Variants in SRGAP3 observed in about 807,000 individuals in gnomAD.
SRGAP3 encodes the protein SLIT-ROBO Rho GTPase-activating protein 3.
In SRGAP3, 39 loss-of-function variants were observed where a neutral mutation model predicts 121.1. The ratio of observed to expected loss-of-function variants is 0.32; its 90% CI spans 0.25 to 0.42. The LOEUF is 0.42. Ranked by LOEUF, SRGAP3 falls within the 10% of genes least tolerant of loss-of-function variation. The pLI is 1.00. For missense variants in SRGAP3, 1,213 were observed against 1,470.6 expected, an observed-to-expected ratio of 0.82 and a Z score of 2.86; for synonymous variants, 601 against 570.0, an observed-to-expected ratio of 1.05 and a Z score of -0.77.
intron 17 of SRGAP3, among the ~76,000 whole-genome samples, chr3:9,011,345 G>A (rs1201320420): frequency 6.6e-6 from 1 of 152,208 alleles, no homozygotes; most frequent in Non-Finnish European, 1.5e-5. Flanking sequence ...AAAGGAATAT[G>A]CATTTTATTA....
chr3:9,049,519 C>G (rs1945456159), intron 9 of SRGAP3: 2 of 456,008 alleles, frequency 4.4e-6, no homozygotes, highest in African/African-American at 4.0e-5. Context: ...CACTGGGTAC[C>G]TCGGGCAGAT....
chr3:9,263,489 A>G (rs1259238969), intron 3 of SRGAP3, among the ~76,000 whole-genome samples: 1 of 152,188 alleles, frequency 6.6e-6, no homozygotes, highest in Non-Finnish European at 1.5e-5. Flanking sequence ...GCTAATAAAC[A>G]AGAAAAGAGA....
At chr3:9,049,332 G>A in intron 9 of SRGAP3, 1 of 453,148 alleles carries the variant, frequency 2.2e-6, no homozygotes, top group South Asian at 1.6e-5. Flanking sequence ...ATGGTCCTAG[G>A]CTCCCAGGAC....
intron 12 of SRGAP3, among the ~76,000 whole-genome samples, chr3:9,030,196 A>G (rs897834237): frequency 6.7e-6 from 1 of 148,956 alleles, no homozygotes. Flanking sequence ...AATGAATGAA[A>G]TAGTATTTAA....
At chr3:9,082,334 G>A (rs1947284556) in intron 3 of SRGAP3, among the ~76,000 whole-genome samples, 2 of 152,160 alleles carry the variant, frequency 1.3e-5, no homozygotes, top group African/African-American at 4.8e-5. Flanking sequence ...TTACAGCAAT[G>A]TAAGAACAGA....
intron 1 of SRGAP3, among the ~76,000 whole-genome samples, chr3:9,225,607 A>G (rs1304456314): frequency 6.6e-6 from 1 of 151,910 alleles, no homozygotes; most frequent in Non-Finnish European, 1.5e-5. Context: ...CTCTACCCCA[A>G]CCCCATCCCC....
chr3:9,292,046 T>C (rs1216773494), intron 3 of SRGAP3, among the ~76,000 whole-genome samples: 1 of 152,154 alleles, frequency 6.6e-6, no homozygotes, highest in East Asian at 1.9e-4. Flanking sequence ...GCATAAGAGA[T>C]TGGAAAAGGA....
At chr3:8,994,203 C>T in intron 19 of SRGAP3, 140 bp downstream of exon 19, 1 of 1,090,738 alleles carries the variant, frequency 9.2e-7, no homozygotes, top group South Asian at 1.3e-5. Flanking sequence ...TTAGATATTA[C>T]CCATTGTTAG....
chr3:9,208,786 T>C (rs531357997), intron 1 of SRGAP3, among the ~76,000 whole-genome samples: 1 of 152,360 alleles, frequency 6.6e-6, no homozygotes, highest in African/African-American at 2.4e-5. Flanking sequence ...ATCTCCAGCA[T>C]CTGCTGTATG....
chr3:9,136,240 C>T (rs1949643375), intron 1 of SRGAP3, among the ~76,000 whole-genome samples: 1 of 152,264 alleles, frequency 6.6e-6, no homozygotes, highest in Admixed American at 6.5e-5. Flanking sequence ...TCCCCATTGC[C>T]GCCCTTCTCC....
At chr3:9,039,475 T>C (rs1944919914) in intron 10 of SRGAP3, among the ~76,000 whole-genome samples, 2 of 152,336 alleles carry the variant, frequency 1.3e-5, no homozygotes, top group African/African-American at 2.4e-5. Context: ...TTTATAAAAA[T>C]AGCATAACTG....
chr3:9,058,377 C>T lies in SRGAP3; in HGVS notation c.897G>A (p.Leu299=), dbSNP rs1560032190. The part of the protein sequence containing the change: ...YNLETSRHEG[L]DVIENAVDNL... ...TGTCCACTGCATTCTCAATGACATCCAGCCCTTCGTGGCGAGAGGTCTCCA... is the reference window on the plus strand; with the variant it reads ...TGTCCACTGCATTCTCAATGACATCTAGCCCTTCGTGGCGAGAGGTCTCCA... The change falls in exon 7 of 22, where the codon CTG becomes CTA. Residue 299 remains leucine, a synonymous_variant. Transcript: ENST00000383836. 1 of 1,614,226 alleles carries T rather than the reference C, an allele frequency of 6.2e-7. No individual in the cohort carries two copies. Among genetic ancestry groups the T allele is most frequent in the East Asian group, 2.2e-5 (1 of 44,888 alleles).
upstream of SRGAP3, among the ~76,000 whole-genome samples, chr3:9,250,611 C>G (rs1346288068): frequency 7.2e-5 from 11 of 152,176 alleles, no homozygotes; most frequent in Non-Finnish European, 7.3e-5. Context: ...AAATGCAAAG[C>G]TAAGCTTAGC....
At chr3:9,043,201 T>C (rs968531952) in intron 10 of SRGAP3, among the ~76,000 whole-genome samples, 1 of 152,188 alleles carries the variant, frequency 6.6e-6, no homozygotes, top group Non-Finnish European at 1.5e-5. Context: ...TCGCCCAGGC[T>C]GGAAAGCAGT....
At chr3:9,219,841 A>G (rs9814669) in intron 1 of SRGAP3, among the ~76,000 whole-genome samples, 1,557 of 152,306 alleles carry the variant, frequency 0.01, 27 homozygotes, top group African/African-American at 0.036. Flanking sequence ...ACAGAGTACA[A>G]AAAAATAAAG....
At chr3:9,278,266 C>T (rs139496202) in intron 3 of SRGAP3, among the ~76,000 whole-genome samples, 80 of 152,332 alleles carry the variant, frequency 5.3e-4, no homozygotes, top group Admixed American at 1.5e-3. Context: ...AAAGCAACTA[C>T]CTCCAAGATA....
At chr3:9,203,933 G>A (rs1270030795) in intron 1 of SRGAP3, among the ~76,000 whole-genome samples, 1 of 152,150 alleles carries the variant, frequency 6.6e-6, no homozygotes, top group Non-Finnish European at 1.5e-5. Flanking sequence ...CTCACTGATG[G>A]GGCCTGGTCT....
At chr3:9,016,673 A>G (rs1249343581) in intron 14 of SRGAP3, among the ~76,000 whole-genome samples, 1 of 152,186 alleles carries the variant, frequency 6.6e-6, no homozygotes, top group Non-Finnish European at 1.5e-5. Flanking sequence ...CTCTGAGACG[A>G]CCGTGTGCAT....
intron 3 of SRGAP3, among the ~76,000 whole-genome samples, chr3:9,290,026 G>A (rs550221512): frequency 6.6e-6 from 1 of 152,008 alleles, no homozygotes; most frequent in African/African-American, 2.4e-5. Flanking sequence ...CAGGAGAATC[G>A]CTTGAACTCA....
Sources: gnomAD v4.1 joint callset for allele counts (sites outside exome capture counted in the v4.1 genomes callset) on GRCh38, gnomAD v4.1.1 for gene constraint, MANE v1.5 for transcripts, NCBI Gene and HGNC (gene_info 2026-07-23, HGNC 2026-07-21) for gene names.